The following EFNA5 variants were observed in gnomAD, a reference collection of about 807,000 sequenced individuals.
EFNA5 encodes the protein ephrin-A5.
Under a neutral mutation model 22.9 loss-of-function variants are expected in EFNA5, and 5 were observed. The observed-to-expected ratio is 0.22, with a 90% CI of 0.11 to 0.46. The LOEUF is 0.46. Among genes scored for constraint, EFNA5 ranks in the 20% least tolerant of loss-of-function variants. The pLI, the probability that EFNA5 is intolerant of heterozygous loss-of-function variation, is 0.99. For missense variants in EFNA5, 237 were observed against 293.3 expected (o/e 0.81, Z 1.40); for synonymous variants, 113 against 112.2 (o/e 1.01, Z -0.04).
intron 1 of EFNA5, among the ~76,000 whole-genome samples, chr5:107,654,279 A>C (rs1346213378): frequency 2.0e-5 from 3 of 152,106 alleles, no homozygotes; most frequent in Non-Finnish European, 4.4e-5. Context: ...ATAAATATAG[A>C]CAGACCTTCT....
intron 1 of EFNA5, among the ~76,000 whole-genome samples, chr5:107,470,923 T>C (rs990759609): frequency 6.6e-6 from 1 of 152,156 alleles, no homozygotes; most frequent in Non-Finnish European, 1.5e-5. Flanking sequence ...TTTTTATCTC[T>C]TTTCTTCAAG....
intron 1 of EFNA5, among the ~76,000 whole-genome samples, chr5:107,463,008 A>G (rs1184078731): frequency 6.6e-6 from 1 of 152,138 alleles, no homozygotes; most frequent in African/African-American, 2.4e-5. Flanking sequence ...CTGATGCTGA[A>G]TATGTCATAT....
At position 107,387,634 on chromosome 5, in the gene EFNA5, G is replaced by A. The variant is rs138377566; in HGVS notation, c.484+72C>T. 237 of 1,113,878 alleles carry A rather than the reference G, an allele frequency of 2.1e-4. 1 individual carries two copies. In the East Asian group the frequency reaches 4.5e-3, roughly 21 times the overall value. 69.0% of individuals were successfully genotyped at this position (1,113,878 alleles called of 1,614,324 possible). ...TTTAACAGTAAAAAAAAGTTTTACCGCCGTGAACCAGACCACACAATAAAG... is the reference window on the plus strand; with the variant it reads ...TTTAACAGTAAAAAAAAGTTTTACCACCGTGAACCAGACCACACAATAAAG... On this transcript the variant is annotated intron_variant, in intron 3 of 4. Transcript: ENST00000333274.
chr5:107,618,637 A>T (rs1749972508), intron 1 of EFNA5, among the ~76,000 whole-genome samples: 1 of 152,200 alleles, frequency 6.6e-6, no homozygotes, highest in Non-Finnish European at 1.5e-5. Context: ...TCCGGGTTAG[A>T]ATGAGAAGGA....
chr5:107,645,267 C>T (rs164838), intron 1 of EFNA5, among the ~76,000 whole-genome samples: 52,020 of 152,018 alleles, frequency 0.34, 9,485 homozygotes, highest in African/African-American at 0.46. Flanking sequence ...ATCAGTAAAT[C>T]TGCCTTGTAG....
chr5:107,638,325 G>T (rs1750430425), intron 1 of EFNA5, among the ~76,000 whole-genome samples: 1 of 151,830 alleles, frequency 6.6e-6, no homozygotes, highest in African/African-American at 2.4e-5. Flanking sequence ...AGAGTAAAAA[G>T]ATGGTTTCCA....
chr5:107,449,961 T>C (rs1749514725), intron 1 of EFNA5, among the ~76,000 whole-genome samples: 1 of 152,210 alleles, frequency 6.6e-6, no homozygotes, highest in Non-Finnish European at 1.5e-5. Context: ...ACTTTCCCTT[T>C]TGGTTCTGAT....
intron 2 of EFNA5, among the ~76,000 whole-genome samples, chr5:107,407,463 A>G (rs1322368950): frequency 6.6e-6 from 1 of 152,196 alleles, no homozygotes; most frequent in Non-Finnish European, 1.5e-5. Context: ...CATTTCAGAG[A>G]GATCAAGTGG....
chr5:107,468,066 TAGA>T (rs1750039815), intron 1 of EFNA5, among the ~76,000 whole-genome samples: 1 of 152,220 alleles, frequency 6.6e-6, no homozygotes, highest in Non-Finnish European at 1.5e-5. Context: ...GACATCTTGG[TAGA>T]ACGGATAGCA....
intron 1 of EFNA5, among the ~76,000 whole-genome samples, chr5:107,645,989 T>C (rs1160039759): frequency 6.6e-6 from 1 of 152,178 alleles, no homozygotes; most frequent in Non-Finnish European, 1.5e-5. Context: ...TAAGGATCTA[T>C]TTACACTTCT....
intron 1 of EFNA5, among the ~76,000 whole-genome samples, chr5:107,461,055 T>C (rs1749824467): frequency 6.6e-6 from 1 of 152,118 alleles, no homozygotes; most frequent in Non-Finnish European, 1.5e-5. Flanking sequence ...TTTCTTTGTG[T>C]TTTCAGAGTA....
At chr5:107,401,861 C>T (rs1019595833) in intron 2 of EFNA5, among the ~76,000 whole-genome samples, 8 of 152,186 alleles carry the variant, frequency 5.3e-5, no homozygotes, top group African/African-American at 1.9e-4. Flanking sequence ...TGTAAGTGTG[C>T]TCCTTTGTTA....
At chr5:107,466,240 T>TA (rs1192161675) in intron 1 of EFNA5, among the ~76,000 whole-genome samples, 1 of 152,148 alleles carries the variant, frequency 6.6e-6, no homozygotes, top group East Asian at 1.9e-4. Context: ...TTAGAGACAA[T>TA]AGACGGCTCA....
chr5:107,559,388 C>T (rs1170811510), intron 1 of EFNA5, among the ~76,000 whole-genome samples: 1 of 152,146 alleles, frequency 6.6e-6, no homozygotes, highest in African/African-American at 2.4e-5. Flanking sequence ...ATTTGCAACC[C>T]TCTTAGGATA....
intron 1 of EFNA5, among the ~76,000 whole-genome samples, chr5:107,565,665 T>C (rs1389685792): frequency 1.3e-5 from 2 of 152,242 alleles, no homozygotes; most frequent in Non-Finnish European, 2.9e-5. Context: ...CAAATAATGC[T>C]AGGTATATAT....
In EFNA5 at chr5:107,487,442, A is replaced by T. The variant is rs370089691; in HGVS notation, c.126-59933T>A. ...TTTCCCCCAGAGCATCTAGCACAGT[A>T]TCTGACAAGCAGTTAGTATTTGCAG... On this transcript the variant is annotated intron_variant, in intron 1 of 4. Transcript: ENST00000333274. Among the ~76,000 whole-genome samples, 4 of 152,378 alleles carry T rather than the reference A, an allele frequency of 2.6e-5. No individual in the cohort carries two copies. The East Asian group carries it at 5.8e-4, about 22-fold the overall frequency.
chr5:107,523,828 T>A (rs886507675), intron 1 of EFNA5, among the ~76,000 whole-genome samples: 1 of 152,196 alleles, frequency 6.6e-6, no homozygotes, highest in South Asian at 2.1e-4. Context: ...TAGGGAAGAA[T>A]GACAACAGGT....
At chr5:107,531,283 T>C (rs763327123) in intron 1 of EFNA5, among the ~76,000 whole-genome samples, 1 of 152,190 alleles carries the variant, frequency 6.6e-6, no homozygotes, top group Non-Finnish European at 1.5e-5. Flanking sequence ...AGAATCCAGA[T>C]GAAGGGGTGT....
intron 1 of EFNA5, among the ~76,000 whole-genome samples, chr5:107,651,360 C>T (rs1189298754): frequency 1.3e-5 from 2 of 152,166 alleles, no homozygotes; most frequent in Non-Finnish European, 2.9e-5. Context: ...CTATTCAAGT[C>T]AATTCCTAGA....
Sources: allele counts gnomAD v4.1 joint callset (sites outside exome capture counted in the v4.1 genomes callset), GRCh38; gene constraint gnomAD v4.1.1; transcripts MANE v1.5; gene names NCBI Gene and HGNC (gene_info 2026-07-23, HGNC 2026-07-21).